Variants in TNRC18 observed in about 807,000 individuals in gnomAD.
The protein encoded by TNRC18 is trinucleotide repeat-containing gene 18 protein.
In TNRC18, 69 loss-of-function variants were observed where a neutral mutation model predicts 226.7. The ratio of observed to expected loss-of-function variants is 0.30; its 90% CI spans 0.25 to 0.37. The LOEUF (loss-of-function observed/expected upper bound fraction) is 0.37. Among genes scored for constraint, TNRC18 ranks in the 10% least tolerant of loss-of-function variants. The pLI, the probability that TNRC18 is intolerant of heterozygous loss-of-function variation, is 1.00. For synonymous variants in TNRC18, 2,449 were observed against 1,927.6 expected (o/e 1.27, Z -7.09); for missense variants, 4,754 against 4,256.6 (o/e 1.12, Z -3.25).
At chr7:5,420,957 G>T in intron 2 of TNRC18, 103 bp downstream of exon 2, 1 of 1,439,518 alleles carries the variant, frequency 6.9e-7, no homozygotes, top group Non-Finnish European at 9.6e-7. Flanking sequence ...GTGGCCGACC[G>T]AAGGAGAGTC....
intron 2 of TNRC18, among the ~76,000 whole-genome samples, chr7:5,396,887 C>T (rs1301195666): frequency 1.3e-5 from 2 of 152,218 alleles, no homozygotes; most frequent in Non-Finnish European, 2.9e-5. Context: ...AATAAAGGGC[C>T]TGTATACAAG....
At chr7:5,356,866 G>A in intron 16 of TNRC18, 50 bp downstream of exon 16, 2 of 1,478,564 alleles carry the variant, frequency 1.4e-6, no homozygotes, top group Non-Finnish European at 1.8e-6. Flanking sequence ...GAAGAGGGGA[G>A]AAAAGGAGAG....
chr7:5,384,220 G>A (rs1266629906), intron 5 of TNRC18, among the ~76,000 whole-genome samples: 1 of 152,016 alleles, frequency 6.6e-6, no homozygotes, highest in African/African-American at 2.4e-5. Context: ...CACCCGCCTC[G>A]GTCTCCCAAA....
intron 2 of TNRC18, among the ~76,000 whole-genome samples, chr7:5,401,863 G>C (rs546726842): frequency 6.6e-6 from 1 of 152,072 alleles, no homozygotes; most frequent in Non-Finnish European, 1.5e-5. Context: ...CAAAGTGGGA[G>C]GACCGCCGGG....
intron 21 of TNRC18, among the ~76,000 whole-genome samples, chr7:5,322,761 T>C (rs1244285206): frequency 6.6e-6 from 1 of 152,228 alleles, no homozygotes; most frequent in Non-Finnish European, 1.5e-5. Flanking sequence ...ACCTTTCACC[T>C]GGTCTGTCCC....
Position 5,371,191 on chromosome 7 carries a change from A to G in TNRC18, c.3403T>C (p.Leu1135=). The G allele has an allele frequency of 2.5e-6, 4 of 1,605,362 alleles. No homozygotes were observed. The highest frequency in any genetic ancestry group is 3.4e-6 in the Non-Finnish European group (4 of 1,173,884). The change falls in exon 11 of 30, where the codon TTG becomes CTG. Residue 1135 remains leucine, a synonymous_variant. Coordinates refer to ENST00000430969, the MANE Select transcript of TNRC18 (RefSeq NM_001080495.3). ...ALSPEDKPIR[L]SPSKITEPLR... is the part of the protein sequence containing the mutation. The stretch of plus-strand genomic sequence containing the variant: ...GGCTCTGTGATCTTGGAGGGGGACA[A>G]GCGGATGGGCTTGTCTTCGGGTGAG...
intron 2 of TNRC18, among the ~76,000 whole-genome samples, chr7:5,414,211 T>A (rs1210612751): frequency 6.6e-6 from 1 of 152,106 alleles, no homozygotes; most frequent in Non-Finnish European, 1.5e-5. Context: ...ACTCCCAAAG[T>A]GCCGGGATTA....
intron 5 of TNRC18, among the ~76,000 whole-genome samples, chr7:5,379,392 A>C (rs1779239389): frequency 6.9e-6 from 1 of 145,666 alleles, no homozygotes; most frequent in Non-Finnish European, 1.5e-5. Context: ...CGAGACCCAG[A>C]CTCTAAAGAA....
At chr7:5,415,062 C>T (rs1414817953) in intron 2 of TNRC18, among the ~76,000 whole-genome samples, 19 of 152,108 alleles carry the variant, frequency 1.2e-4, no homozygotes, top group East Asian at 1.9e-4. Flanking sequence ...CACTTAAAAC[C>T]CTCCACTGCC....
chr7:5,377,549 G>T lies in TNRC18; in HGVS notation c.2283C>A (p.Ala761=). The T allele has an allele frequency of 6.3e-7, 1 of 1,587,336 alleles. No individual in the cohort carries two copies. Among genetic ancestry groups the T allele is most frequent in the Non-Finnish European group, 8.6e-7 (1 of 1,167,262 alleles). ...GAGCACAGCTGGTAGGGTGCAGGCG[G>T]GCCAGGTCAGCCAGCTCCTTACTCT... ...LRESKELADL[A]RLHPTSCAPN... Residue 761 remains alanine, a synonymous_variant, in exon 7 of 30, where the codon GCC becomes GCA. Coordinates refer to ENST00000430969, the MANE Select transcript of TNRC18 (RefSeq NM_001080495.3). This position sits in a 1 kb window ranked among gnomAD's most constrained non-coding sequence, Gnocchi z 5.8.
At chr7:5,308,348 G>A (rs763777138) in intron 29 of TNRC18, 36 bp from the exon 30 acceptor site, 31 of 1,578,612 alleles carry the variant, frequency 2.0e-5, no homozygotes, top group Admixed American at 1.8e-4. Context: ...TGGCAGGTGG[G>A]GGGCACAGAG....
At position 5,329,929 on chromosome 7, in the gene TNRC18, A is replaced by T. The variant is rs1562500371; in HGVS notation, c.6147+2693T>A. The T allele has an allele frequency of 8.5e-6, 4 of 471,090 alleles. No homozygotes were observed. The Admixed American group carries it at 9.4e-5, about 11-fold the overall frequency. 29.2% of individuals were successfully genotyped at this position (471,090 alleles called of 1,614,324 possible). A position where few individuals can be genotyped will look rare whatever the true frequency, so the allele number is the denominator to read the frequency against. On this transcript the variant is annotated intron_variant, in intron 19 of 29. Transcript: ENST00000430969. ...CTATTATATCCAGCTATAATACCAG[A>T]GGCTCACCCAGTGTCTGCCTTTTGA...
At chr7:5,386,095 T>C (rs184600818) in intron 5 of TNRC18, among the ~76,000 whole-genome samples, 254 of 151,472 alleles carry the variant, frequency 1.7e-3, no homozygotes, top group Non-Finnish European at 2.9e-3. Context: ...GAGACGAGCC[T>C]GGCCAATATG....
Position 5,388,264 on chromosome 7 carries a change from G to A in TNRC18, c.1560C>T (p.Ala520=), listed in dbSNP as rs1343579081. 6.2e-7 allele frequency: 1 copy of A among 1,609,090 alleles called. No homozygotes were observed. The highest frequency in any genetic ancestry group is 8.5e-7 in the Non-Finnish European group (1 of 1,178,438). ...GCGCGGCCAGCACGGCCATCTGCGTGGCGGCGAAGTTGCCCAGCTCGAAGG... is the reference window on the plus strand; with the variant it reads ...GCGCGGCCAGCACGGCCATCTGCGTAGCGGCGAAGTTGCCCAGCTCGAAGG... ...WKPFELGNFA[A]TQMAVLAAQH... Residue 520 remains alanine (A), a synonymous_variant, in exon 5 of 30, where the codon GCC becomes GCT. Transcript: ENST00000430969.
intron 29 of TNRC18, among the ~76,000 whole-genome samples, chr7:5,308,552 AGAGACC>A (rs1472442330): frequency 3.9e-5 from 6 of 152,344 alleles, no homozygotes; most frequent in Admixed American, 2.0e-4. Context: ...GCAGAGAGAC[AGAGACC>A]GAGATCGAGA....
At chr7:5,415,845 G>A (rs975432120) in intron 2 of TNRC18, among the ~76,000 whole-genome samples, 2 of 151,410 alleles carry the variant, frequency 1.3e-5, no homozygotes, top group Non-Finnish European at 2.9e-5. Flanking sequence ...GGTGGCTCAC[G>A]CCTGTAATCC....
rs1487612333 is a variant in TNRC18 at position 5,321,199 on chromosome 7, G to A, written c.6443-9C>T. 10 of 1,532,686 alleles carry A rather than the reference G, an allele frequency of 6.5e-6. No individual in the cohort carries two copies. The highest frequency in any genetic ancestry group is 2.3e-4 in the Middle Eastern group (1 of 4,350). The allele number at this position is 1,532,686 out of a possible 1,614,324, so 94.9% of individuals were successfully genotyped here. On this transcript the variant is annotated splice_polypyrimidine_tract_variant and intron_variant, in intron 21 of 29. Coordinates refer to ENST00000430969, the MANE Select transcript of TNRC18 (RefSeq NM_001080495.3). ...GATGCAGGAGCGAGGGGCTGCAGGGGTTGGATCGTGAGGCGAGGCTGGAGC... is the reference window on the plus strand; with the variant it reads ...GATGCAGGAGCGAGGGGCTGCAGGGATTGGATCGTGAGGCGAGGCTGGAGC...
intron 2 of TNRC18, among the ~76,000 whole-genome samples, chr7:5,417,215 C>A (rs1165163392): frequency 6.6e-6 from 1 of 151,842 alleles, no homozygotes; most frequent in East Asian, 1.9e-4. Flanking sequence ...CACCTGAAAT[C>A]CCAGCACTTT....
rs1407906865 is a variant in TNRC18, at chr7:5,377,526, G to A, written c.2306C>T (p.Ala769Val). ...GAGGTTGGGGTTCAGGCCGTTAGGA[G>A]CACAGCTGGTAGGGTGCAGGCGGGC... The part of the protein sequence containing the change: ...DLARLHPTSC[A>V]PNGLNPNLMV... The change falls in exon 7 of 30, where the codon GCT becomes GTT. Residue 769 changes from alanine to valine, a missense_variant. By Grantham distance (64) the Ala-to-Val change is moderately conservative. Transcript: ENST00000430969. This position sits in a 1 kb window ranked among gnomAD's most constrained non-coding sequence, Gnocchi z 5.8. 2 of 1,590,376 alleles carry A rather than the reference G, an allele frequency of 1.3e-6. No individual in the cohort carries two copies. The highest frequency in any genetic ancestry group is 8.6e-7 in the Non-Finnish European group (1 of 1,168,994).
Sources: gnomAD v4.1 joint callset for allele counts (sites outside exome capture counted in the v4.1 genomes callset) on GRCh38, gnomAD v4.1.1 for gene constraint, Gnocchi (gnomAD v3.1) non-coding constraint, MANE v1.5 for transcripts, NCBI Gene and HGNC (gene_info 2026-07-23, HGNC 2026-07-21) for gene names.